TBC1D22A: variants seen among roughly 807,000 people sequenced by gnomAD.
The protein encoded by TBC1D22A is TBC1 domain family member 22A, also known as putative GTPase activator.
A neutral mutation model predicts 60.2 loss-of-function variants in TBC1D22A; 38 were observed. The ratio of observed to expected loss-of-function variants is 0.63; its 90% CI spans 0.49 to 0.83. The LOEUF is 0.83. TBC1D22A is among the 40% of genes least tolerant of loss of function. The pLI, the probability that TBC1D22A is intolerant of heterozygous loss-of-function variation, is 0.00. For synonymous variants in TBC1D22A, 302 were observed against 281.7 expected, an observed-to-expected ratio of 1.07 and a Z score of -0.72; for missense variants, 628 against 701.0, an observed-to-expected ratio of 0.90 and a Z score of 1.18.
intron 12 of TBC1D22A, among the ~76,000 whole-genome samples, chr22:47,154,790 A>G (rs1338569057): frequency 6.6e-6 from 1 of 152,168 alleles, no homozygotes; most frequent in Non-Finnish European, 1.5e-5. Flanking sequence ...CCCCACTCTC[A>G]GCGGCCCCCT....
intron 7 of TBC1D22A, among the ~76,000 whole-genome samples, chr22:46,898,743 G>T (rs2068820556): frequency 6.6e-6 from 1 of 152,154 alleles, no homozygotes; most frequent in Non-Finnish European, 1.5e-5. Flanking sequence ...AAAAGATCTT[G>T]CAGCTCACTA....
chr22:46,789,264 T>A (rs1053193602), intron 1 of TBC1D22A: 36 of 311,132 alleles, frequency 1.2e-4, no homozygotes, highest in Non-Finnish European at 2.0e-4. Context: ...TAGCTGGGAT[T>A]ACAGGCACGT....
chr22:46,953,054 T>C (rs1211490891), intron 8 of TBC1D22A, among the ~76,000 whole-genome samples: 2 of 152,220 alleles, frequency 1.3e-5, no homozygotes, highest in African/African-American at 4.8e-5. Context: ...AGTCACTGTG[T>C]GCAGCCCACA....
At chr22:46,850,227 A>T (rs537227041) in intron 4 of TBC1D22A, among the ~76,000 whole-genome samples, 1 of 152,266 alleles carries the variant, frequency 6.6e-6, no homozygotes, top group South Asian at 2.1e-4. Flanking sequence ...CTCTCAGGAG[A>T]CAGGCTGCTG....
intron 11 of TBC1D22A, among the ~76,000 whole-genome samples, chr22:47,062,087 C>CAAAAAAAAAAAAAAAAAAAAAAA (rs908701365): frequency 3.2e-5 from 2 of 62,998 alleles, no homozygotes; most frequent in African/African-American, 7.3e-5. Context: ...GACTCCATCT[C>CAAAAAAAAAAAAAAAAAAAAAAA]AAAAAAAAAA....
chr22:47,086,127 G>T (rs1392088920), intron 11 of TBC1D22A, among the ~76,000 whole-genome samples: 2 of 152,218 alleles, frequency 1.3e-5, no homozygotes, highest in African/African-American at 4.8e-5. Flanking sequence ...TTCTGGGAGC[G>T]CTGTGGCTCC....
chr22:46,887,860 T>C (rs1488211279), intron 5 of TBC1D22A, among the ~76,000 whole-genome samples: 1 of 152,204 alleles, frequency 6.6e-6, no homozygotes, highest in African/African-American at 2.4e-5. Flanking sequence ...GTGATCCTAA[T>C]GTGTTAACAT....
chr22:47,042,328 C>G (rs888130079), intron 11 of TBC1D22A, among the ~76,000 whole-genome samples: 1 of 152,200 alleles, frequency 6.6e-6, no homozygotes, highest in Non-Finnish European at 1.5e-5. Flanking sequence ...TGGCCAGAGC[C>G]CCCATCAGTG....
chr22:47,159,466 C>A (rs544574673), intron 12 of TBC1D22A, among the ~76,000 whole-genome samples: 1 of 151,738 alleles, frequency 6.6e-6, no homozygotes, highest in East Asian at 1.9e-4. Flanking sequence ...ACACCACACC[C>A]ACATGCCATG....
intron 1 of TBC1D22A, among the ~76,000 whole-genome samples, chr22:46,773,473 AT>A (rs1312557696): frequency 6.6e-6 from 1 of 151,398 alleles, no homozygotes; most frequent in Non-Finnish European, 1.5e-5. Flanking sequence ...ACTTATTTTT[AT>A]TTTTTTTGGA....
At position 46,917,616 on chromosome 22, in the gene TBC1D22A, G is replaced by A. The variant is rs189709462; in HGVS notation, c.1015+5428G>A. On this transcript the variant is annotated intron_variant, in intron 8 of 12. Transcript: ENST00000337137. ...TAGGATGTGCTGAGTGTGCTCTGTCGGCAGTGATTGAGTAGAAGAGTCTGT... is the reference window on the plus strand; with the variant it reads ...TAGGATGTGCTGAGTGTGCTCTGTCAGCAGTGATTGAGTAGAAGAGTCTGT... Among the ~76,000 whole-genome samples, 7 of 152,318 alleles carry A rather than the reference G, an allele frequency of 4.6e-5. No homozygotes were observed. In the East Asian group the frequency reaches 7.7e-4, roughly 17 times the overall value.
intron 11 of TBC1D22A, among the ~76,000 whole-genome samples, chr22:47,041,130 A>G (rs2062830881): frequency 6.6e-6 from 1 of 152,184 alleles, no homozygotes; most frequent in Non-Finnish European, 1.5e-5. Flanking sequence ...TTGGCAGGTG[A>G]GTATTGCAAG....
chr22:46,890,515 G>A (rs1414250380), intron 5 of TBC1D22A, among the ~76,000 whole-genome samples: 1 of 152,052 alleles, frequency 6.6e-6, no homozygotes, highest in African/African-American at 2.4e-5. Flanking sequence ...AAACACTATG[G>A]CATTTTATAT....
At chr22:47,147,544 A>T (rs2067329665) in intron 12 of TBC1D22A, among the ~76,000 whole-genome samples, 1 of 152,234 alleles carries the variant, frequency 6.6e-6, no homozygotes. Context: ...CAGGGGTCAC[A>T]CATAGTGCCC....
intron 11 of TBC1D22A, among the ~76,000 whole-genome samples, chr22:47,097,977 C>T (rs375461744): frequency 1.3e-5 from 2 of 151,904 alleles, no homozygotes; most frequent in Non-Finnish European, 2.9e-5. Context: ...TGGTGGGGGC[C>T]CCTGCTACTG....
chr22:47,137,098 T>G (rs369363675), intron 12 of TBC1D22A, among the ~76,000 whole-genome samples: 1 of 152,138 alleles, frequency 6.6e-6, no homozygotes, highest in African/African-American at 2.4e-5. Context: ...CTTCGTGCCG[T>G]CTCGTGATCC....
At chr22:47,022,405 TC>T (rs1401493722) in intron 10 of TBC1D22A, among the ~76,000 whole-genome samples, 2 of 152,124 alleles carry the variant, frequency 1.3e-5, no homozygotes. Flanking sequence ...GAGCATGGTG[TC>T]AGGAGGCACC....
At chr22:47,093,235 C>T (rs73475454) in intron 11 of TBC1D22A, among the ~76,000 whole-genome samples, 1,828 of 152,312 alleles carry the variant, frequency 0.012, 34 homozygotes, top group African/African-American at 0.042. Flanking sequence ...CCTGATGTGT[C>T]TTGGCGGCCA....
intron 4 of TBC1D22A, among the ~76,000 whole-genome samples, chr22:46,833,859 T>G (rs2086410066): frequency 6.6e-6 from 1 of 152,118 alleles, no homozygotes; most frequent in Admixed American, 6.6e-5. Context: ...AACAAAGGCG[T>G]TTTTGTGGGT....
Sources: gnomAD v4.1 joint callset for allele counts (sites outside exome capture counted in the v4.1 genomes callset) on GRCh38, gnomAD v4.1.1 for gene constraint, MANE v1.5 for transcripts, NCBI Gene and HGNC (gene_info 2026-07-23, HGNC 2026-07-21) for gene names.